DIPK1C: variants seen among roughly 807,000 people sequenced by gnomAD.
DIPK1C encodes divergent protein kinase domain 1C.
Under a neutral mutation model 28.0 loss-of-function variants are expected in DIPK1C, and 33 were observed. That is an observed-to-expected ratio of 1.18 (90% CI 0.89 to 1.58). The LOEUF is 1.58. Ranked by LOEUF, DIPK1C falls within the 40% of genes most tolerant of loss-of-function variation. The pLI, the probability that DIPK1C is intolerant of heterozygous loss-of-function variation, is 0.00. For missense variants in DIPK1C, 569 were observed against 568.5 expected (o/e 1.00, Z -0.01); for synonymous variants, 255 against 248.8 (o/e 1.02, Z -0.23).
In DIPK1C at chr18:74,447,294, G is replaced by A; in HGVS notation, c.199-11C>T. The A allele has an allele frequency of 6.6e-7, 1 of 1,512,816 alleles. No individual in the cohort carries two copies. Among genetic ancestry groups the A allele is most frequent in the African/African-American group, 1.4e-5 (1 of 72,680 alleles). 93.7% of individuals were successfully genotyped at this position (1,512,816 alleles called of 1,614,324 possible). A position where few individuals can be genotyped will look rare whatever the true frequency, so the allele number is the denominator to read the frequency against. On this transcript the variant is annotated splice_polypyrimidine_tract_variant and intron_variant, in intron 1 of 3. Transcript: ENST00000343998. This position sits in a 1 kb window ranked among gnomAD's most constrained non-coding sequence, Gnocchi z 4.1. The stretch of plus-strand genomic sequence containing the variant: ...CTGGTAGTCCTGGCACTGGAAGGAA[G>A]GGAACAGTCGGTCACCATGGGGAGG...
At chr18:74,440,052 C>T (rs1341933937) in intron 3 of DIPK1C, among the ~76,000 whole-genome samples, 2 of 151,112 alleles carry the variant, frequency 1.3e-5, no homozygotes, top group Admixed American at 1.3e-4. Flanking sequence ...TCACGCCATT[C>T]TCCTGCCTCA....
chr18:74,443,234 G>A (rs367618054), intron 2 of DIPK1C, among the ~76,000 whole-genome samples: 7 of 152,194 alleles, frequency 4.6e-5, no homozygotes, highest in South Asian at 2.1e-4. Context: ...CTCTTCCTCC[G>A]CCACCTGGAT....
upstream of DIPK1C, among the ~76,000 whole-genome samples, chr18:74,459,052 G>A (rs1055646665): frequency 6.6e-6 from 1 of 152,222 alleles, no homozygotes; most frequent in Admixed American, 6.5e-5. Context: ...TGCAATGACT[G>A]TTATCACACC....
At chr18:74,462,055 CCTGA>C (rs1986625756), upstream of DIPK1C, among the ~76,000 whole-genome samples, 1 of 152,366 alleles carries the variant, frequency 6.6e-6, no homozygotes, top group East Asian at 1.9e-4. Context: ...AGCCATGGTG[CCTGA>C]CTACTATCAT....
intron 1 of DIPK1C, 117 bp downstream of exon 1, chr18:74,456,945 C>G: frequency 9.0e-7 from 1 of 1,108,282 alleles, no homozygotes; most frequent in Non-Finnish European, 1.2e-6. Context: ...GTCGGGAACC[C>G]ATGTCCCCGG....
upstream of DIPK1C, chr18:74,458,006 C>G (rs1046334918): frequency 6.6e-6 from 1 of 152,306 alleles, no homozygotes. Flanking sequence ...GAGGAGAACA[C>G]GTCCACCACG....
chr18:74,436,805 T>C (rs1986007534), intron 3 of DIPK1C, 86 bp from the exon 4 acceptor site: 1 of 1,297,810 alleles, frequency 7.7e-7, no homozygotes, highest in African/African-American at 1.5e-5. Flanking sequence ...CTGAAACAGA[T>C]TTCAGCTTCT....
intron 1 of DIPK1C, among the ~76,000 whole-genome samples, chr18:74,456,278 T>C (rs1269341683): frequency 6.6e-6 from 1 of 152,252 alleles, no homozygotes; most frequent in Non-Finnish European, 1.5e-5. Flanking sequence ...GTTTCATTCA[T>C]ATGATGTGAG....
At chr18:74,437,188 C>T (rs1047857933) in intron 3 of DIPK1C, among the ~76,000 whole-genome samples, 2 of 152,118 alleles carry the variant, frequency 1.3e-5, no homozygotes, top group Non-Finnish European at 2.9e-5. Context: ...ACCATCTGAC[C>T]GGGCTGTCCA....
chr18:74,436,794 T>A, intron 3 of DIPK1C, 75 bp from the exon 4 acceptor site: 1 of 1,378,402 alleles, frequency 7.3e-7, no homozygotes, highest in Admixed American at 2.4e-5. Flanking sequence ...CAGGATTGGT[T>A]CTGAAACAGA....
chr18:74,460,901 A>G (rs1459970369), upstream of DIPK1C, among the ~76,000 whole-genome samples: 1 of 152,238 alleles, frequency 6.6e-6, no homozygotes, highest in Non-Finnish European at 1.5e-5. Flanking sequence ...GAGACCATCA[A>G]GCAGCTCTCC....
In DIPK1C at chr18:74,449,583, G is replaced by A. The variant is rs534633268; in HGVS notation, c.199-2300C>T. 5.3e-5 allele frequency among the ~76,000 whole-genome samples: 8 copies of A among 152,304 alleles called. No individual in the cohort carries two copies. The East Asian group carries it at 5.8e-4, about 11-fold the overall frequency. ...TGCTGCGGGGGTGCTCCTGCCAGCC[G>A]CTGCATTTTAGATCTCTGTATAATG... On this transcript the variant is annotated intron_variant, in intron 1 of 3. Coordinates refer to ENST00000343998, the MANE Select transcript of DIPK1C (RefSeq NM_001044369.3).
upstream of DIPK1C, among the ~76,000 whole-genome samples, chr18:74,457,604 C>G (rs1986547300): frequency 6.6e-6 from 1 of 152,204 alleles, no homozygotes; most frequent in South Asian, 2.1e-4. Flanking sequence ...ACTGATTCCT[C>G]AAGACTACAT....
chr18:74,446,494 C>T (rs1291182465), intron 2 of DIPK1C, 112 bp downstream of exon 2: 4 of 1,075,572 alleles, frequency 3.7e-6, no homozygotes, highest in African/African-American at 1.7e-5. Context: ...GCTGCAGAAG[C>T]AACAGTAGTT....
At chr18:74,457,313 A>G, upstream of DIPK1C, 5 of 974,698 alleles carry the variant, frequency 5.1e-6, no homozygotes, top group Non-Finnish European at 6.1e-6. Context: ...CGAGTTCCGC[A>G]CTCGCGTAGC....
chr18:74,452,403 TA>T (rs33910041), intron 1 of DIPK1C, among the ~76,000 whole-genome samples: 7,433 of 151,030 alleles, frequency 0.049, 231 homozygotes, highest in East Asian at 0.13. Context: ...TCCAGCCTTT[TA>T]AAAAAAAACA....
chr18:74,457,296 C>G lies in DIPK1C; in HGVS notation c.-37G>C, dbSNP rs1986539479. The G allele has an allele frequency of 2.0e-6, 2 of 984,084 alleles. No homozygotes were observed. The highest frequency in any genetic ancestry group is 1.2e-6 in the Non-Finnish European group (1 of 829,346). The allele number at this position is 984,084 out of a possible 1,614,324, so 61.0% of individuals were successfully genotyped here. ...CCCGCGCCCGGGCCCCACCGCCGCC[C>G]GCGCCCCGAGTTCCGCACTCGCGTA... On this transcript the variant is annotated 5_prime_UTR_variant, in exon 1 of 4. Transcript: ENST00000343998.
intron 2 of DIPK1C, among the ~76,000 whole-genome samples, chr18:74,444,046 T>TAA (rs201982229): frequency 0.044 from 6,506 of 146,642 alleles, 410 homozygotes; most frequent in East Asian, 0.34. Context: ...AGAACAGTAT[T>TAA]AAAAAAAAAA....
rs1986005114 is a variant in DIPK1C, at chr18:74,436,736, T to A, written c.1042-17A>T. 6.3e-7 allele frequency: 1 copy of A among 1,594,254 alleles called. No individual in the cohort carries two copies. Among genetic ancestry groups the A allele is most frequent in the Admixed American group, 1.7e-5 (1 of 57,658 alleles). ...ACAGATGACCTGAGGGAAAGAAGGG[T>A]GGACAGTTAATTTAGGGCAGCAAAT... On this transcript the variant is annotated splice_polypyrimidine_tract_variant and intron_variant, in intron 3 of 3. Transcript: ENST00000343998.
Sources: allele counts gnomAD v4.1 joint callset (sites outside exome capture counted in the v4.1 genomes callset), GRCh38; gene constraint gnomAD v4.1.1; non-coding constraint Gnocchi (gnomAD v3.1); transcripts MANE v1.5; gene names NCBI Gene and HGNC (gene_info 2026-07-23, HGNC 2026-07-21).